Variants in STARD13 observed in about 807,000 individuals in gnomAD.
STARD13 encodes stAR-related lipid transfer protein 13.
In STARD13, 62 loss-of-function variants were observed where a neutral mutation model predicts 106.4. The observed-to-expected ratio is 0.58, with a 90% CI of 0.48 to 0.72. The LOEUF is 0.72. STARD13 is among the 30% of genes least tolerant of loss of function. The pLI, the probability that STARD13 is intolerant of heterozygous loss-of-function variation, is 0.00. For synonymous variants in STARD13, 565 were observed against 553.0 expected (o/e 1.02, Z -0.31); for missense variants, 1,387 against 1,424.0 (o/e 0.97, Z 0.42).
At chr13:33,406,289 A>C in the STARD13 span, among the ~76,000 whole-genome samples, 14 of 152,174 alleles carry the variant, frequency 9.2e-5, no homozygotes, top group African/African-American at 3.1e-4. Flanking sequence ...CAGAAAAAAA[A>C]CCTCTTGTTT....
At chr13:33,238,539 A>G (rs530719632) in intron 1 of STARD13, among the ~76,000 whole-genome samples, 1 of 152,256 alleles carries the variant, frequency 6.6e-6, no homozygotes, top group African/African-American at 2.4e-5. Flanking sequence ...AGTGATTTTG[A>G]AATTTTGGTT....
chr13:33,403,386 T>G, the STARD13 span, among the ~76,000 whole-genome samples: 10 of 152,210 alleles, frequency 6.6e-5, no homozygotes, highest in Non-Finnish European at 1.5e-4. Context: ...GTTAGGGGTT[T>G]CCTAAACTAA....
chr13:33,250,866 A>G (rs148178371), intron 1 of STARD13, among the ~76,000 whole-genome samples: 43 of 152,266 alleles, frequency 2.8e-4, no homozygotes, highest in African/African-American at 1.0e-3. Flanking sequence ...CATAAACTGT[A>G]TGAGGACAAG....
At chr13:33,642,840 T>TA in the STARD13 span, among the ~76,000 whole-genome samples, 1,986 of 106,622 alleles carry the variant, frequency 0.019, 25 homozygotes, top group African/African-American at 0.04. Context: ...AAACAAACAT[T>TA]AAAAAAAAAA....
the STARD13 span, among the ~76,000 whole-genome samples, chr13:33,463,541 A>AAGACCTGCCTCCAGAGTCG: frequency 1.3e-5 from 2 of 152,186 alleles, no homozygotes; most frequent in East Asian, 1.9e-4. Flanking sequence ...TCCAGTGTCC[A>AAGACCTGCCTCCAGAGTCG]AGACCTGCCT....
chr13:33,198,943 GT>G (rs1566068150), intron 1 of STARD13, among the ~76,000 whole-genome samples: 2 of 152,268 alleles, frequency 1.3e-5, no homozygotes, highest in East Asian at 3.9e-4. Context: ...CCCTTAAAAA[GT>G]TCTAGCCCCC....
At chr13:33,132,256 T>C (rs1416947863) in intron 4 of STARD13, among the ~76,000 whole-genome samples, 1 of 152,192 alleles carries the variant, frequency 6.6e-6, no homozygotes, top group African/African-American at 2.4e-5. Flanking sequence ...ATCTTGAATA[T>C]TGTAGCTCCC....
chr13:33,295,707 G>GA (rs938498018), intron 1 of STARD13, among the ~76,000 whole-genome samples: 1 of 150,918 alleles, frequency 6.6e-6, no homozygotes, highest in African/African-American at 2.5e-5. Context: ...GGGTGCCCGG[G>GA]GGGGGCAGAG....
At chr13:33,448,107 G>A in the STARD13 span, among the ~76,000 whole-genome samples, 1 of 152,074 alleles carries the variant, frequency 6.6e-6, no homozygotes, top group Admixed American at 6.6e-5. Flanking sequence ...GATATGTGAT[G>A]TTTCGATATG....
At chr13:33,635,863 A>T in the STARD13 span, among the ~76,000 whole-genome samples, 1 of 150,928 alleles carries the variant, frequency 6.6e-6, no homozygotes, top group African/African-American at 2.4e-5. Flanking sequence ...GGGCACCTGT[A>T]CTCCCAGCTA....
At chr13:33,525,393 C>A in the STARD13 span, among the ~76,000 whole-genome samples, 27 of 151,982 alleles carry the variant, frequency 1.8e-4, no homozygotes, top group Non-Finnish European at 3.7e-4. Context: ...TATAGAGCCA[C>A]AATGGTCTTT....
At chr13:33,427,151 G>T in the STARD13 span, among the ~76,000 whole-genome samples, 1 of 152,228 alleles carries the variant, frequency 6.6e-6, no homozygotes, top group East Asian at 1.9e-4. Flanking sequence ...TAATAATTAT[G>T]CCCAATAGGT....
Position 33,111,762 on chromosome 13 carries a change from C to A in STARD13, c.2607+16G>T. 6.4e-7 allele frequency: 1 copy of A among 1,560,508 alleles called. No homozygotes were observed. Among genetic ancestry groups the A allele is most frequent in the Non-Finnish European group, 8.8e-7 (1 of 1,131,238 alleles). ...AAGAGCTACTAGGGAGGCGGAGGTT[C>A]GAGCCTTTTGCTCACCTCAAAAAGT... On this transcript the variant is annotated intron_variant, in intron 10 of 13. Coordinates refer to ENST00000336934, the MANE Select transcript of STARD13 (RefSeq NM_178006.4).
chr13:33,189,784 G>A lies in STARD13; in HGVS notation c.170-22162C>T, dbSNP rs547403593. Among the ~76,000 whole-genome samples the A allele has an allele frequency of 5.3e-5, 8 of 151,852 alleles. 1 individual carries two copies. Among genetic ancestry groups the A allele is most frequent in the African/African-American group, 1.7e-4 (7 of 41,424 alleles). Reference sequence around the variant, plus strand: ...CATGTACAAAATGGTCCTCTGCCCCGTGTCCTCCCTGTGTTCATCCTTGCC... The same window carrying A: ...CATGTACAAAATGGTCCTCTGCCCCATGTCCTCCCTGTGTTCATCCTTGCC... On this transcript the variant is annotated intron_variant, in intron 1 of 13. Coordinates refer to ENST00000336934, the MANE Select transcript of STARD13 (RefSeq NM_178006.4).
intron 1 of STARD13, among the ~76,000 whole-genome samples, chr13:33,230,848 A>G (rs969998914): frequency 6.6e-6 from 1 of 152,268 alleles, no homozygotes; most frequent in African/African-American, 2.4e-5. Flanking sequence ...GGATGGAAGA[A>G]CCATAACTGC....
the STARD13 span, among the ~76,000 whole-genome samples, chr13:33,478,781 T>G: frequency 6.6e-6 from 1 of 152,056 alleles, no homozygotes; most frequent in Non-Finnish European, 1.5e-5. Flanking sequence ...CCAGGTATGG[T>G]GGCATGCACC....
intron 1 of STARD13, among the ~76,000 whole-genome samples, chr13:33,295,848 G>GA (rs1260407758): frequency 2.6e-5 from 4 of 151,880 alleles, no homozygotes; most frequent in South Asian, 2.1e-4. Context: ...CCCATGAAGA[G>GA]AAAAAAACTG....
At chr13:33,271,220 C>G (rs1891142874) in intron 1 of STARD13, among the ~76,000 whole-genome samples, 1 of 152,180 alleles carries the variant, frequency 6.6e-6, no homozygotes, top group African/African-American at 2.4e-5. Context: ...AAAAAAATCT[C>G]CACCCAAGAC....
At chr13:33,152,418 A>C (rs78114445) in intron 3 of STARD13, among the ~76,000 whole-genome samples, 1 of 113,892 alleles carries the variant, frequency 8.8e-6, no homozygotes, top group Non-Finnish European at 2.0e-5. Context: ...CAGTCATACA[A>C]AAAAAAAAAA....
Sources: gnomAD v4.1 joint callset for allele counts (sites outside exome capture counted in the v4.1 genomes callset) on GRCh38, gnomAD v4.1.1 for gene constraint, MANE v1.5 for transcripts, NCBI Gene and HGNC (gene_info 2026-07-23, HGNC 2026-07-21) for gene names.